SMTNL2: variants seen among roughly 807,000 people sequenced by gnomAD.
SMTNL2 encodes the protein smoothelin like 2.
SMTNL2 carries 43 observed loss-of-function variants against 44.1 expected under a neutral mutation model. That is an observed-to-expected ratio of 0.98 (90% CI 0.76 to 1.26). The LOEUF (loss-of-function observed/expected upper bound fraction) is 1.26, where lower values mean the gene tolerates loss of function less well. Among genes scored for constraint, SMTNL2 ranks in the 50% most tolerant of loss-of-function variants. The pLI is 0.00. For missense variants in SMTNL2, 646 were observed against 670.2 expected (o/e 0.96, Z 0.40); for synonymous variants, 317 against 287.6 (o/e 1.10, Z -1.03).
rs533425362 is a variant in SMTNL2, at chr17:4,592,903, C to T, written c.488-26C>T. The T allele has an allele frequency of 1.4e-4, 227 of 1,593,298 alleles. 1 individual carries two copies. The Middle Eastern group carries it at 2.7e-3, about 19-fold the overall frequency. On this transcript the variant is annotated intron_variant, in intron 2 of 7. Coordinates refer to ENST00000389313, the MANE Select transcript of SMTNL2 (RefSeq NM_001114974.2). The surrounding 1 kb of genome is among the most constrained non-coding windows in gnomAD (Gnocchi z 4.5). ...CCCTGTGGCTGCCACAGCTGACCAC[C>T]CACCCATGCTGGTCACATGTTCCAG... is the stretch of plus-strand genomic sequence containing the variant.
At position 4,600,925 on chromosome 17, in the gene SMTNL2, C is replaced by A. The variant is rs374261758; in HGVS notation, c.1259+3602C>A. On this transcript the variant is annotated intron_variant, in intron 7 of 7. Coordinates refer to ENST00000389313, the MANE Select transcript of SMTNL2 (RefSeq NM_001114974.2). This position sits in a 1 kb window ranked among gnomAD's most constrained non-coding sequence, Gnocchi z 4.7. ...CCAGATAGGAGGCAGTAGTCCCAGT[C>A]CTGGCATCCTGGTCTGCATTTAGAG... is the stretch of plus-strand genomic sequence containing the variant. 1.6e-4 allele frequency among the ~76,000 whole-genome samples: 24 copies of A among 152,270 alleles called. No individual in the cohort carries two copies. The highest frequency in any genetic ancestry group is 1.5e-3 in the East Asian group (8 of 5,192).
chr17:4,600,819 G>T lies in SMTNL2; in HGVS notation c.1259+3496G>T, dbSNP rs2150524843. 6.6e-6 allele frequency among the ~76,000 whole-genome samples: 1 copy of T among 152,340 alleles called. No individual in the cohort carries two copies. The highest frequency in any genetic ancestry group is 3.4e-3 in the Middle Eastern group (1 of 294). On this transcript the variant is annotated intron_variant, in intron 7 of 7. Transcript: ENST00000389313. This position sits in a 1 kb window ranked among gnomAD's most constrained non-coding sequence, Gnocchi z 4.7. ...CCAGGCTTCCCGCTTGCCCTGCGGG[G>T]AATGTGTCCTGCTCTCGGGTTACGC... is the stretch of plus-strand genomic sequence containing the variant.
chr17:4,595,594 C>T lies in SMTNL2; in HGVS notation c.989+267C>T, dbSNP rs576047799. Among the ~76,000 whole-genome samples the T allele has an allele frequency of 3.3e-5, 5 of 152,334 alleles. No homozygotes were observed. The highest frequency in any genetic ancestry group is 3.3e-4 in the Admixed American group (5 of 15,310). Reference sequence around the variant, plus strand: ...GAGAGCCCCTCTCTCCTCCTCCATTCCCGAGGCCCCCTGTCCTGTCTCTGG... The same window carrying T: ...GAGAGCCCCTCTCTCCTCCTCCATTTCCGAGGCCCCCTGTCCTGTCTCTGG... On this transcript the variant is annotated intron_variant, in intron 5 of 7. Transcript: ENST00000389313. The surrounding 1 kb of genome is among the most constrained non-coding windows in gnomAD (Gnocchi z 5.1).
intron 7 of SMTNL2, among the ~76,000 whole-genome samples, chr17:4,603,926 C>A (rs557097152): frequency 1.3e-5 from 2 of 152,130 alleles, no homozygotes; most frequent in Admixed American, 1.3e-4. Context: ...CTCACTGCAA[C>A]CTCCGCCTCC....
rs1910334445 is a variant in SMTNL2 at position 4,607,614 on chromosome 17, A to G, written c.*127A>G. 2 of 1,428,358 alleles carry G rather than the reference A, an allele frequency of 1.4e-6. No individual in the cohort carries two copies. The highest frequency in any genetic ancestry group is 2.8e-5 in the African/African-American group (2 of 70,498). 88.5% of individuals were successfully genotyped at this position (1,428,358 alleles called of 1,614,324 possible). A position where few individuals can be genotyped will look rare whatever the true frequency, so the allele number is the denominator to read the frequency against. The stretch of plus-strand genomic sequence containing the variant: ...GTGAGCGCGCTGTTTGTTCTGTGGC[A>G]TGTGACGGCACTCCCCTTCGAGCCC... On this transcript the variant is annotated 3_prime_UTR_variant, in exon 8 of 8. Transcript: ENST00000389313. This position sits in a 1 kb window ranked among gnomAD's most constrained non-coding sequence, Gnocchi z 4.7.
At chr17:4,594,953 C>A in intron 4 of SMTNL2, 192 bp from the exon 5 acceptor site, 1 of 713,308 alleles carries the variant, frequency 1.4e-6, no homozygotes, top group Non-Finnish European at 2.3e-6. Context: ...GCCTATTGGC[C>A]AGTCCCTCCA....
chr17:4,595,260 C>T lies in SMTNL2; in HGVS notation c.922C>T (p.Arg308Cys), dbSNP rs373428506. ...RELVRSQTLP[R>C]TSEAQARKAL... The stretch of plus-strand genomic sequence containing the variant: ...GCTGGTGAGGTCGCAGACGCTGCCC[C>T]GCACCTCGGAGGCGCAGGCCCGGAA... Residue 308 changes from arginine (R) to cysteine (C), a missense_variant, in exon 5 of 8, where the codon CGC becomes TGC. Physicochemically the swap from Arg to Cys is radical, Grantham distance 180. Transcript: ENST00000389313. This position sits in a 1 kb window ranked among gnomAD's most constrained non-coding sequence, Gnocchi z 5.1. 5 of 1,613,094 alleles carry T rather than the reference C, an allele frequency of 3.1e-6. No individual in the cohort carries two copies. Among genetic ancestry groups the T allele is most frequent in the Admixed American group, 1.7e-5 (1 of 60,000 alleles).
rs536480692 is a variant in SMTNL2 at position 4,598,298 on chromosome 17, T to C, written c.1259+975T>C. On this transcript the variant is annotated intron_variant, in intron 7 of 7. Coordinates refer to ENST00000389313, the MANE Select transcript of SMTNL2 (RefSeq NM_001114974.2). This position sits in a 1 kb window ranked among gnomAD's most constrained non-coding sequence, Gnocchi z 4.8. ...GAAGACAGAGGGCCAGGGCTGTGGT[T>C]CATCCTGGCCCCCAGGGCAGGGAGC... Among the ~76,000 whole-genome samples the C allele has an allele frequency of 6.6e-6, 1 of 152,266 alleles. No individual in the cohort carries two copies. Among genetic ancestry groups the C allele is most frequent in the Non-Finnish European group, 1.5e-5 (1 of 68,014 alleles).
rs1178415216 is a variant in SMTNL2 at position 4,592,152 on chromosome 17, T to C, written c.400-209T>C. ...GAGGAGCCCAGTGGAGGTGTTTGCCTCCCAGGATCGCAGGGGCTCAGCAGT... is the reference window on the plus strand; with the variant it reads ...GAGGAGCCCAGTGGAGGTGTTTGCCCCCCAGGATCGCAGGGGCTCAGCAGT... On this transcript the variant is annotated intron_variant, in intron 1 of 7. Coordinates refer to ENST00000389313, the MANE Select transcript of SMTNL2 (RefSeq NM_001114974.2). The surrounding 1 kb of genome is among the most constrained non-coding windows in gnomAD (Gnocchi z 4.5). 6.6e-6 allele frequency among the ~76,000 whole-genome samples: 1 copy of C among 152,218 alleles called. No individual in the cohort carries two copies. The highest frequency in any genetic ancestry group is 1.5e-5 in the Non-Finnish European group (1 of 68,042).
chr17:4,606,830 A>T (rs1910297353), intron 7 of SMTNL2, among the ~76,000 whole-genome samples: 1 of 152,148 alleles, frequency 6.6e-6, no homozygotes, highest in Non-Finnish European at 1.5e-5. Context: ...GAATCACTCG[A>T]ACCCGGGAGG....
chr17:4,599,889 A>G (rs977876467), intron 7 of SMTNL2, among the ~76,000 whole-genome samples: 1 of 152,218 alleles, frequency 6.6e-6, no homozygotes, highest in Non-Finnish European at 1.5e-5. Context: ...AGCACACAGC[A>G]GGGTAAAAAC....
intron 7 of SMTNL2, among the ~76,000 whole-genome samples, chr17:4,599,504 G>A (rs1909944474): frequency 6.6e-6 from 1 of 152,076 alleles, no homozygotes; most frequent in Non-Finnish European, 1.5e-5. Context: ...ACCCACTCCA[G>A]CGGCGAGGTC....
chr17:4,599,113 CTG>C (rs1396817475), intron 7 of SMTNL2, among the ~76,000 whole-genome samples: 1 of 152,258 alleles, frequency 6.6e-6, no homozygotes, highest in African/African-American at 2.4e-5. Flanking sequence ...GAGACTGGCT[CTG>C]AGCTCCTTAG....
chr17:4,605,160 T>G (rs1910219164), intron 7 of SMTNL2, among the ~76,000 whole-genome samples: 1 of 132,886 alleles, frequency 7.5e-6, no homozygotes, highest in Non-Finnish European at 1.6e-5. Flanking sequence ...TTGGTTTTTT[T>G]TTTTTTTTTT....
Position 4,595,097 on chromosome 17 carries a change from A to T in SMTNL2, c.807-48A>T, listed in dbSNP as rs1198269859. ...TGGAGACCTTGGGGCCTGGTGAGCT[A>T]GTGATGGCTGCTGGGCCCAGGTCCC... On this transcript the variant is annotated intron_variant, in intron 4 of 7. Transcript: ENST00000389313. This position sits in a 1 kb window ranked among gnomAD's most constrained non-coding sequence, Gnocchi z 5.1. 11 of 1,611,688 alleles carry T rather than the reference A, an allele frequency of 6.8e-6. No homozygotes were observed. In the Admixed American group the frequency reaches 1.8e-4, roughly 27 times the overall value.
rs1910337635 is a variant in SMTNL2 at position 4,607,685 on chromosome 17, C to T, written c.*198C>T. ...GTACTGCTGAGCTGTGGTCCGACAG[C>T]ACTGATCACAGCCAAGGGCTTGGAG... On this transcript the variant is annotated 3_prime_UTR_variant, in exon 8 of 8. Transcript: ENST00000389313. This position sits in a 1 kb window ranked among gnomAD's most constrained non-coding sequence, Gnocchi z 4.7. 1.3e-6 allele frequency: 1 copy of T among 794,586 alleles called. No homozygotes were observed. The highest frequency in any genetic ancestry group is 2.9e-5 in the East Asian group (1 of 34,238). The allele number at this position is 794,586 out of a possible 1,614,324, so 49.2% of individuals were successfully genotyped here.
At chr17:4,593,768 G>A in intron 3 of SMTNL2, 54 bp from the exon 4 acceptor site, 1 of 1,558,554 alleles carries the variant, frequency 6.4e-7, no homozygotes. Flanking sequence ...GGAGGCTATG[G>A]CGGGCCCTCC....
rs1312173860 is a variant in SMTNL2, at chr17:4,592,945, C to T, written c.504C>T (p.Pro168=). The T allele has an allele frequency of 1.9e-6, 3 of 1,613,152 alleles. 1 individual carries two copies. The highest frequency in any genetic ancestry group is 2.2e-5 in the South Asian group (2 of 91,008). ...ATGTTCCAGGTCCAGGCGATGGACCCCCTGAGATTGCCCAAAACTTCTCAG... is the reference window on the plus strand; with the variant it reads ...ATGTTCCAGGTCCAGGCGATGGACCTCCTGAGATTGCCCAAAACTTCTCAG... ...HQPGAGPGDG[P]PEIAQNFSAP... The change falls in exon 3 of 8, where the codon CCC becomes CCT. Residue 168 remains proline, a synonymous_variant. Coordinates refer to ENST00000389313, the MANE Select transcript of SMTNL2 (RefSeq NM_001114974.2). The surrounding 1 kb of genome is among the most constrained non-coding windows in gnomAD (Gnocchi z 4.5).
rs34958438 is a variant in SMTNL2 at position 4,598,824 on chromosome 17, T to TAAA, written c.1259+1514_1259+1516dup. Among the ~76,000 whole-genome samples, 1 of 138,794 alleles carries TAAA rather than the reference T, an allele frequency of 7.2e-6. No individual in the cohort carries two copies. Among genetic ancestry groups the TAAA allele is most frequent in the Admixed American group, 7.2e-5 (1 of 13,884 alleles). 91.1% of individuals were successfully genotyped at this position (138,794 alleles called of 152,430 possible). ...GGGTGGCAGAGTGAGACGCCATCTCTAAAAAAAAAAAAAAAGTGGTCCTCA... is the reference window on the plus strand; with the variant it reads ...GGGTGGCAGAGTGAGACGCCATCTCTAAAAAAAAAAAAAAAAAAGTGGTCCTCA... On this transcript the variant is annotated intron_variant, in intron 7 of 7. Transcript: ENST00000389313. This position sits in a 1 kb window ranked among gnomAD's most constrained non-coding sequence, Gnocchi z 4.8.
Sources: allele counts gnomAD v4.1 joint callset (sites outside exome capture counted in the v4.1 genomes callset), GRCh38; gene constraint gnomAD v4.1.1; non-coding constraint Gnocchi (gnomAD v3.1); transcripts MANE v1.5; gene names NCBI Gene and HGNC (gene_info 2026-07-23, HGNC 2026-07-21).